ARHGAP27: variants seen among roughly 807,000 people sequenced by gnomAD.
ARHGAP27 encodes the protein Rho GTPase activating protein 27.
A neutral mutation model predicts 102.0 loss-of-function variants in ARHGAP27; 53 were observed. The observed-to-expected ratio is 0.52, with a 90% CI of 0.42 to 0.65. The LOEUF is 0.65. ARHGAP27 is among the 30% of genes least tolerant of loss of function. The probability of loss-of-function intolerance (pLI) is 0.00; values close to 1 mark genes in which losing one functional copy is unlikely to be tolerated. For missense variants in ARHGAP27, 1,117 were observed against 1,256.2 expected, an observed-to-expected ratio of 0.89 and a Z score of 1.68; for synonymous variants, 525 against 542.8, an observed-to-expected ratio of 0.97 and a Z score of 0.46.
chr17:45,420,759 C>G (rs2048948629), intron 4 of ARHGAP27, among the ~76,000 whole-genome samples: 1 of 150,954 alleles, frequency 6.6e-6, no homozygotes, highest in Admixed American at 6.6e-5. Flanking sequence ...TTGAGACCAT[C>G]CTGGCTAACA....
intron 13 of ARHGAP27, chr17:45,397,693 G>C: frequency 2.5e-6 from 1 of 393,264 alleles, no homozygotes; most frequent in Admixed American, 4.3e-5. Flanking sequence ...TCTGCCTCCC[G>C]TGAAATGGGA....
intron 4 of ARHGAP27, among the ~76,000 whole-genome samples, chr17:45,412,376 G>T (rs2048014329): frequency 6.6e-6 from 1 of 152,218 alleles, no homozygotes; most frequent in African/African-American, 2.4e-5. Flanking sequence ...GAACAAACCA[G>T]CTGCACAACA....
At chr17:45,414,105 CA>C (rs11311214) in intron 4 of ARHGAP27, among the ~76,000 whole-genome samples, 77,459 of 142,804 alleles carry the variant, frequency 0.54, 20,893 homozygotes, top group African/African-American at 0.68. Context: ...GACTCCATCT[CA>C]AAAAAAAAAA....
chr17:45,395,937 C>A, intron 18 of ARHGAP27, 46 bp downstream of exon 18: 1 of 1,571,160 alleles, frequency 6.4e-7, no homozygotes, highest in Non-Finnish European at 8.6e-7. Flanking sequence ...AAGGGGTGCC[C>A]CGCCACGCCC....
In ARHGAP27 at chr17:45,427,998, C is replaced by A. The variant is rs1348915838; in HGVS notation, c.657+1625G>T. Among the ~76,000 whole-genome samples the A allele has an allele frequency of 6.6e-6, 1 of 152,212 alleles. No homozygotes were observed. Among genetic ancestry groups the A allele is most frequent in the Non-Finnish European group, 1.5e-5 (1 of 68,024 alleles). ...GGCCTGGGGTGTTGGCCCTTGCAGACCTACAGAGCCCTGGCTCATAGGTAA... is the reference window on the plus strand; with the variant it reads ...GGCCTGGGGTGTTGGCCCTTGCAGAACTACAGAGCCCTGGCTCATAGGTAA... On this transcript the variant is annotated intron_variant, in intron 4 of 19. Coordinates refer to ENST00000685559, the MANE Select transcript of ARHGAP27 (RefSeq NM_001282290.2). This position sits in a 1 kb window ranked among gnomAD's most constrained non-coding sequence, Gnocchi z 4.5.
intron 4 of ARHGAP27, among the ~76,000 whole-genome samples, chr17:45,420,140 G>A (rs2048886655): frequency 6.6e-6 from 1 of 152,108 alleles, no homozygotes; most frequent in Admixed American, 6.5e-5. Flanking sequence ...TATTCATTAT[G>A]ACATTGTTGT....
chr17:45,404,024 CT>C lies in ARHGAP27; in HGVS notation c.1547+4del. On this transcript the variant is annotated splice_donor_region_variant and intron_variant, in intron 10 of 19. Coordinates refer to ENST00000685559, the MANE Select transcript of ARHGAP27 (RefSeq NM_001282290.2). Reference sequence around the variant, plus strand: ...GCCCCGGCCTGAGTGTAGATGGGCTCTCACCGGAGCCGCTTTCCCTTGTCTG... The same window carrying C: ...GCCCCGGCCTGAGTGTAGATGGGCTCCACCGGAGCCGCTTTCCCTTGTCTG... The C allele has an allele frequency of 3.1e-6, 5 of 1,613,654 alleles. No homozygotes were observed. The highest frequency in any genetic ancestry group is 4.2e-6 in the Non-Finnish European group (5 of 1,179,864).
rs771562751 is a variant in ARHGAP27, at chr17:45,396,997, C to T, written c.1870G>A (p.Glu624Lys). ...LSAELPPEES[E>K]SSRVDFGSSE... ...GACCCGAAGTCCACTCTGCTGCTCT[C>T]GCTCTCCTCTGGGGGCAGCTCTGCG... The change falls in exon 14 of 20, where the codon GAG becomes AAG. Residue 624 changes from glutamate (E) to lysine (K), a missense_variant. By Grantham distance (56) the Glu-to-Lys change is moderately conservative. Coordinates refer to ENST00000685559, the MANE Select transcript of ARHGAP27 (RefSeq NM_001282290.2). The T allele has an allele frequency of 9.3e-6, 15 of 1,604,590 alleles. No individual in the cohort carries two copies. In the East Asian group the frequency reaches 1.8e-4, roughly 19 times the overall value.
At chr17:45,425,478 A>T (rs12937382) in intron 4 of ARHGAP27, 57 of 891,786 alleles carry the variant, frequency 6.4e-5, no homozygotes, top group Non-Finnish European at 6.9e-5. Context: ...GGGCCCCCAG[A>T]TGGGTTTTAG....
intron 4 of ARHGAP27, among the ~76,000 whole-genome samples, chr17:45,418,830 G>A (rs763539359): frequency 1.3e-5 from 2 of 152,166 alleles, no homozygotes; most frequent in Non-Finnish European, 2.9e-5. Flanking sequence ...GAGCCCAGGA[G>A]CTGAGGAGGG....
chr17:45,397,302 C>G (rs62064598), intron 13 of ARHGAP27: 218,987 of 1,321,484 alleles, frequency 0.17, 20,037 homozygotes, highest in Middle Eastern at 0.21. Context: ...CACCTGGTGC[C>G]TTCTTTCTCT....
intron 12 of ARHGAP27, among the ~76,000 whole-genome samples, chr17:45,399,240 T>A (rs1230097): frequency 0.52 from 78,342 of 152,020 alleles, 20,440 homozygotes; most frequent in Middle Eastern, 0.67. Flanking sequence ...TAGAATTGGA[T>A]TGGACTATCT....
chr17:45,397,355 G>A, intron 13 of ARHGAP27: 5 of 1,159,278 alleles, frequency 4.3e-6, no homozygotes, highest in Non-Finnish European at 5.4e-6. Flanking sequence ...TCCTCAATAC[G>A]TGGCTCCCAG....
At chr17:45,423,679 C>A (rs753085135) in intron 4 of ARHGAP27, among the ~76,000 whole-genome samples, 2 of 152,174 alleles carry the variant, frequency 1.3e-5, no homozygotes, top group Non-Finnish European at 2.9e-5. Flanking sequence ...GGACAGTAAG[C>A]TACCTGAGGG....
chr17:45,421,421 G>T (rs761836854), intron 4 of ARHGAP27, among the ~76,000 whole-genome samples: 1 of 151,928 alleles, frequency 6.6e-6, no homozygotes, highest in East Asian at 1.9e-4. Context: ...GGTCGAGGCT[G>T]CAGTGAGCCG....
intron 12 of ARHGAP27, among the ~76,000 whole-genome samples, chr17:45,399,938 G>A (rs1018357036): frequency 3.3e-5 from 5 of 152,232 alleles, no homozygotes; most frequent in African/African-American, 1.2e-4. Context: ...AGGGCAAGGT[G>A]GGAGGAGTCC....
intron 13 of ARHGAP27, chr17:45,397,687 C>A: frequency 2.5e-6 from 1 of 392,490 alleles, no homozygotes; most frequent in Non-Finnish European, 4.5e-6. Flanking sequence ...TGGCCTTCTG[C>A]CTCCCGTGAA....
chr17:45,417,461 A>G (rs992892077), intron 4 of ARHGAP27, among the ~76,000 whole-genome samples: 3 of 149,980 alleles, frequency 2.0e-5, no homozygotes, highest in Non-Finnish European at 4.5e-5. Flanking sequence ...AAGACTCAGT[A>G]TCAAAAAAAA....
Position 45,396,909 on chromosome 17 carries a change from C to A in ARHGAP27, c.1951+7G>T. The A allele has an allele frequency of 6.2e-7, 1 of 1,606,962 alleles. No individual in the cohort carries two copies. The highest frequency in any genetic ancestry group is 8.5e-7 in the Non-Finnish European group (1 of 1,179,904). The stretch of plus-strand genomic sequence containing the variant: ...GGAGCCCCCACCCCATCCTGCCTTG[C>A]GCACACCTGCATTCGGTCGCGCGTC... On this transcript the variant is annotated splice_region_variant and intron_variant, in intron 14 of 19. Coordinates refer to ENST00000685559, the MANE Select transcript of ARHGAP27 (RefSeq NM_001282290.2).
Sources: gnomAD v4.1 joint callset for allele counts (sites outside exome capture counted in the v4.1 genomes callset) on GRCh38, gnomAD v4.1.1 for gene constraint, Gnocchi (gnomAD v3.1) non-coding constraint, MANE v1.5 for transcripts, NCBI Gene and HGNC (gene_info 2026-07-23, HGNC 2026-07-21) for gene names.